The following UNC13C variants were observed in gnomAD, a reference collection of about 807,000 sequenced individuals.
The protein encoded by UNC13C is protein unc-13 homolog C.
In UNC13C, 174 loss-of-function variants were observed where a neutral mutation model predicts 245.4. The observed-to-expected ratio is 0.71, with a 90% confidence interval of 0.63 to 0.80. The LOEUF is 0.80. Among genes scored for constraint, UNC13C ranks in the 30% least tolerant of loss-of-function variants. UNC13C has a pLI of 0.00. For synonymous variants in UNC13C, 992 were observed against 895.1 expected (o/e 1.11, Z -1.93); for missense variants, 2,829 against 2,602.9 (o/e 1.09, Z -1.89).
intron 4 of UNC13C, among the ~76,000 whole-genome samples, chr15:54,158,789 ACAGGCG>A (rs1037333828): frequency 6.6e-6 from 1 of 151,928 alleles, no homozygotes; most frequent in African/African-American, 2.4e-5. Flanking sequence ...AGCCGAGACC[ACAGGCG>A]CATGCTACCA....
chr15:54,417,631 T>G (rs917242079), intron 19 of UNC13C, among the ~76,000 whole-genome samples: 4 of 152,144 alleles, frequency 2.6e-5, no homozygotes, highest in African/African-American at 9.7e-5. Flanking sequence ...AAGATTAAAG[T>G]GTTTTAATGC....
rs1214014395 is a variant in UNC13C at position 54,455,205 on chromosome 15, C to CTATATATATATATA, written c.4934-39383_4934-39370dup. 5.8e-3 allele frequency among the ~76,000 whole-genome samples: 109 copies of CTATATATATATATA among 18,906 alleles called. 1 individual carries two copies. Among genetic ancestry groups the CTATATATATATATA allele is most frequent in the East Asian group, 7.8e-3 (2 of 256 alleles). 12.4% of individuals were successfully genotyped at this position (18,906 alleles called of 152,430 possible). On this transcript the variant is annotated intron_variant, in intron 19 of 32. Coordinates refer to ENST00000260323, the MANE Select transcript of UNC13C (RefSeq NM_001080534.3). ...TCTCTCTCTCTCTCTCTCTCTCTCTCTATATATATATATATATATATATAT... is the reference window on the plus strand; with the variant it reads ...TCTCTCTCTCTCTCTCTCTCTCTCTCTATATATATATATATATATATATATATATATATATATAT...
At chr15:53,898,887 C>T in the UNC13C span, among the ~76,000 whole-genome samples, 1 of 152,020 alleles carries the variant, frequency 6.6e-6, no homozygotes, top group African/African-American at 2.4e-5. Context: ...CATTAGAGTC[C>T]CAGAACTCAT....
intron 30 of UNC13C, among the ~76,000 whole-genome samples, chr15:54,606,743 A>C (rs79659196): frequency 0.036 from 5,553 of 152,324 alleles, 142 homozygotes; most frequent in Non-Finnish European, 0.055. Flanking sequence ...GCTAAATCTC[A>C]GTCTTGAGCA....
chr15:54,006,464 T>C (rs1895141205), intron 1 of UNC13C, among the ~76,000 whole-genome samples: 1 of 152,178 alleles, frequency 6.6e-6, no homozygotes, highest in African/African-American at 2.4e-5. Context: ...TAATATTTAC[T>C]GGTTTATTGC....
At chr15:54,571,848 A>G (rs10152571) in intron 30 of UNC13C, among the ~76,000 whole-genome samples, 54,946 of 151,988 alleles carry the variant, frequency 0.36, 10,087 homozygotes, top group East Asian at 0.54. Context: ...GAAAATCTCT[A>G]TCTTCCTCAT....
chr15:53,954,512 AC>A, the UNC13C span, among the ~76,000 whole-genome samples: 1 of 152,318 alleles, frequency 6.6e-6, no homozygotes, highest in East Asian at 1.9e-4. Context: ...ATTGATTCTA[AC>A]CCCAAAGCTA....
In UNC13C at chr15:54,158,555, G is replaced by A. The variant is rs112979529; in HGVS notation, c.3071+14871G>A. On this transcript the variant is annotated intron_variant, in intron 4 of 32. Coordinates refer to ENST00000260323, the MANE Select transcript of UNC13C (RefSeq NM_001080534.3). The stretch of plus-strand genomic sequence containing the variant: ...AGGATGGTCTTGATCTCCTGACCTC[G>A]TGATCCACACGCCTCAGCCTCCCAA... Among the ~76,000 whole-genome samples the A allele has an allele frequency of 4.5e-3, 679 of 152,246 alleles. 6 individuals are homozygous for A. The highest frequency in any genetic ancestry group is 0.015 in the African/African-American group (623 of 41,536).
At chr15:54,096,834 C>A (rs759680077) in intron 2 of UNC13C, among the ~76,000 whole-genome samples, 3 of 152,156 alleles carry the variant, frequency 2.0e-5, no homozygotes, top group South Asian at 2.1e-4. Flanking sequence ...ATTTCTCTCT[C>A]TATATGTATG....
intron 1 of UNC13C, among the ~76,000 whole-genome samples, chr15:53,996,643 A>G (rs565424466): frequency 2.6e-5 from 4 of 152,272 alleles, no homozygotes; most frequent in South Asian, 4.1e-4. Context: ...CACTCTTCAT[A>G]GCCAACCGTG....
the UNC13C span, among the ~76,000 whole-genome samples, chr15:53,876,977 T>C: frequency 6.6e-6 from 1 of 152,128 alleles, no homozygotes; most frequent in African/African-American, 2.4e-5. Context: ...TGTCTGACTA[T>C]GGAATATTCT....
At chr15:54,126,876 C>G (rs2031079806) in intron 2 of UNC13C, among the ~76,000 whole-genome samples, 1 of 151,980 alleles carries the variant, frequency 6.6e-6, no homozygotes, top group Non-Finnish European at 1.5e-5. Context: ...AAAAACAACC[C>G]CATCAAAGAG....
At chr15:54,624,987 T>TGATGTATGC (rs761148735) in intron 32 of UNC13C, among the ~76,000 whole-genome samples, 6 of 152,106 alleles carry the variant, frequency 3.9e-5, no homozygotes, top group Non-Finnish European at 8.8e-5. Context: ...AGTGAAAACT[T>TGATGTATGC]GATGTATGCT....
chr15:54,060,286 C>A (rs866814988), intron 2 of UNC13C, among the ~76,000 whole-genome samples: 35 of 152,232 alleles, frequency 2.3e-4, no homozygotes, highest in South Asian at 6.2e-4. Context: ...AAACAAACAA[C>A]CCCATCAAAA....
At chr15:53,847,170 CTT>C in the UNC13C span, among the ~76,000 whole-genome samples, 4 of 152,288 alleles carry the variant, frequency 2.6e-5, no homozygotes, top group East Asian at 7.7e-4. Context: ...AACATAATAA[CTT>C]ATTAACTTTC....
At chr15:54,258,992 G>A (rs550426036) in intron 8 of UNC13C, among the ~76,000 whole-genome samples, 86 of 152,332 alleles carry the variant, frequency 5.6e-4, no homozygotes, top group Admixed American at 1.5e-3. Context: ...GAGGGTTTCA[G>A]CACAGTCAGG....
intron 4 of UNC13C, among the ~76,000 whole-genome samples, chr15:54,160,172 T>G (rs1027955637): frequency 1.1e-4 from 17 of 152,092 alleles, no homozygotes; most frequent in African/African-American, 4.1e-4. Flanking sequence ...GCTTTAAGCA[T>G]GTTTTGCTTG....
At chr15:54,304,861 A>G (rs1032407388) in intron 13 of UNC13C, among the ~76,000 whole-genome samples, 1 of 152,060 alleles carries the variant, frequency 6.6e-6, no homozygotes, top group African/African-American at 2.4e-5. Context: ...CTATTGTACC[A>G]ATAAAGATTT....
chr15:54,406,356 A>G (rs2040293085), intron 18 of UNC13C, among the ~76,000 whole-genome samples: 1 of 152,070 alleles, frequency 6.6e-6, no homozygotes. Flanking sequence ...CCTCTCACAT[A>G]AGGATCTTAT....
Sources: gnomAD v4.1 joint callset for allele counts (sites outside exome capture counted in the v4.1 genomes callset) on GRCh38, gnomAD v4.1.1 for gene constraint, MANE v1.5 for transcripts, NCBI Gene and HGNC (gene_info 2026-07-23, HGNC 2026-07-21) for gene names.